TTLL5: variants seen among roughly 807,000 people sequenced by gnomAD.
TTLL5 encodes tubulin tyrosine ligase like 5, also known as tubulin polyglutamylase TTLL5.
In TTLL5, 132 loss-of-function variants were observed where a neutral mutation model predicts 168.4. That is an observed-to-expected ratio of 0.78 (90% CI 0.68 to 0.91). The LOEUF (loss-of-function observed/expected upper bound fraction) is 0.91, where lower values mean the gene tolerates loss of function less well. TTLL5 is among the 40% of genes least tolerant of loss of function. The pLI is 0.00. For missense variants in TTLL5, 1,545 were observed against 1,581.5 expected (o/e 0.98, Z 0.39); for synonymous variants, 546 against 558.6 (o/e 0.98, Z 0.32).
At chr14:75,704,406 G>A (rs1481268780) in intron 7 of TTLL5, among the ~76,000 whole-genome samples, 1 of 152,202 alleles carries the variant, frequency 6.6e-6, no homozygotes, top group African/African-American at 2.4e-5. Flanking sequence ...GGGTATGGTG[G>A]TACGTGTCTG....
At chr14:75,762,162 G>A (rs1245026036) in intron 18 of TTLL5, among the ~76,000 whole-genome samples, 1 of 152,060 alleles carries the variant, frequency 6.6e-6, no homozygotes, top group Admixed American at 6.6e-5. Context: ...TTGGGAGGCC[G>A]AGGCGGGTGG....
At chr14:75,735,399 A>G (rs1468274614) in intron 15 of TTLL5, 110 bp downstream of exon 15, 2 of 1,001,972 alleles carry the variant, frequency 2.0e-6, no homozygotes, top group African/African-American at 1.6e-5. Flanking sequence ...AGAGCAGGAG[A>G]ATTTGGGGAT....
At chr14:75,756,511 CT>C (rs34387037) in intron 18 of TTLL5, among the ~76,000 whole-genome samples, 109,586 of 144,530 alleles carry the variant, frequency 0.76, 41,395 homozygotes, top group Admixed American at 0.8. Flanking sequence ...AAACTGGGGA[CT>C]TTTTTTTTTT....
chr14:75,717,745 G>A (rs2140197414), intron 9 of TTLL5, 116 bp from the exon 10 acceptor site: 1 of 914,756 alleles, frequency 1.1e-6, no homozygotes, highest in Non-Finnish European at 1.7e-6. Flanking sequence ...TAGGCACTTG[G>A]TATTTGTTAG....
Position 75,816,929 on chromosome 14 carries a change from C to T in TTLL5, c.3172-3078C>T, listed in dbSNP as rs143730075. ...AAGGCATTTCAGAGAAACTAGTGGC[C>T]AGAGAAGTTACTACCATAATTTGCT... On this transcript the variant is annotated intron_variant, in intron 27 of 31. Transcript: ENST00000298832. Among the ~76,000 whole-genome samples, 3 of 150,526 alleles carry T rather than the reference C, an allele frequency of 2.0e-5. No individual in the cohort carries two copies. In the East Asian group the frequency reaches 5.8e-4, roughly 29 times the overall value.
At position 75,901,258 on chromosome 14, in the gene TTLL5, C is replaced by T. The variant is rs142322786; in HGVS notation, c.3741-884C>T. ...TCTCTGTCATTATGGAGCTTACATT[C>T]TAGCAAGGGTGATGGATACTAAGCA... is the stretch of plus-strand genomic sequence containing the variant. On this transcript the variant is annotated intron_variant, in intron 30 of 31. Coordinates refer to ENST00000298832, the MANE Select transcript of TTLL5 (RefSeq NM_015072.5). Among the ~76,000 whole-genome samples, 987 of 152,274 alleles carry T rather than the reference C, an allele frequency of 6.5e-3. 10 individuals carry two copies. Among genetic ancestry groups the T allele is most frequent in the African/African-American group, 0.023 (957 of 41,544 alleles).
chr14:75,833,501 CCTT>C (rs1270500228), intron 28 of TTLL5, among the ~76,000 whole-genome samples: 1 of 152,124 alleles, frequency 6.6e-6, no homozygotes, highest in Non-Finnish European at 1.5e-5. Flanking sequence ...AATTTGGATT[CCTT>C]CTTTTTTTAG....
Position 75,850,899 on chromosome 14 carries a change from AGC to A in TTLL5, c.3327-12767_3327-12766del, listed in dbSNP as rs1284378652. On this transcript the variant is annotated intron_variant, in intron 28 of 31. Transcript: ENST00000298832. ...GCGGTGAGTCCAGGAGTTCAAGACCAGCCTGGGCAACGTAGTGAGACCTCATC... is the reference window on the plus strand; with the variant it reads ...GCGGTGAGTCCAGGAGTTCAAGACCACTGGGCAACGTAGTGAGACCTCATC... Among the ~76,000 whole-genome samples, 6 of 152,064 alleles carry A rather than the reference AGC, an allele frequency of 3.9e-5. No individual in the cohort carries two copies. In the East Asian group the frequency reaches 9.6e-4, roughly 24 times the overall value.
intron 12 of TTLL5, among the ~76,000 whole-genome samples, chr14:75,724,245 A>G (rs1249321009): frequency 6.6e-6 from 1 of 151,846 alleles, no homozygotes; most frequent in East Asian, 1.9e-4. Context: ...CCATCCTACC[A>G]CCTGTAATGT....
chr14:75,761,014 A>G (rs1890606945), intron 18 of TTLL5, among the ~76,000 whole-genome samples: 1 of 152,180 alleles, frequency 6.6e-6, no homozygotes, highest in Non-Finnish European at 1.5e-5. Flanking sequence ...TCTAGGAACT[A>G]TCAAGAACTC....
intron 28 of TTLL5, among the ~76,000 whole-genome samples, chr14:75,832,718 CAA>C (rs1895642545): frequency 6.6e-6 from 1 of 152,178 alleles, no homozygotes; most frequent in Non-Finnish European, 1.5e-5. Context: ...TGCCGATGTA[CAA>C]AGACTAATCT....
intron 14 of TTLL5, among the ~76,000 whole-genome samples, chr14:75,734,877 G>A (rs1034201964): frequency 6.6e-6 from 1 of 152,204 alleles, no homozygotes; most frequent in African/African-American, 2.4e-5. Context: ...ATTAACAACT[G>A]TGTGTTTTAA....
At chr14:75,927,896 G>A (rs1411390118) in intron 31 of TTLL5, among the ~76,000 whole-genome samples, 1 of 152,126 alleles carries the variant, frequency 6.6e-6, no homozygotes, top group African/African-American at 2.4e-5. Context: ...GGCTAGCTGT[G>A]CCACCAATTG....
intron 20 of TTLL5, among the ~76,000 whole-genome samples, chr14:75,770,462 A>G (rs1891237759): frequency 6.6e-6 from 1 of 152,212 alleles, no homozygotes; most frequent in African/African-American, 2.4e-5. Context: ...CAGTCAGTAG[A>G]AAGCATTCAG....
intron 1 of TTLL5, among the ~76,000 whole-genome samples, chr14:75,661,808 C>T (rs1055515968): frequency 3.3e-5 from 5 of 152,030 alleles, no homozygotes; most frequent in African/African-American, 1.2e-4. Context: ...CTGAAGAAAG[C>T]CATTGAAGTT....
chr14:75,815,437 A>G (rs529093712), intron 27 of TTLL5, among the ~76,000 whole-genome samples: 3 of 152,234 alleles, frequency 2.0e-5, no homozygotes, highest in Non-Finnish European at 4.4e-5. Context: ...TGGTTTATCC[A>G]TCACATCAGG....
chr14:75,860,011 C>T (rs1897321474), intron 28 of TTLL5, among the ~76,000 whole-genome samples: 1 of 152,212 alleles, frequency 6.6e-6, no homozygotes, highest in Non-Finnish European at 1.5e-5. Flanking sequence ...AAAATGCCTG[C>T]CTCTTTGCTA....
intron 28 of TTLL5, among the ~76,000 whole-genome samples, chr14:75,824,802 A>T (rs1419128906): frequency 6.6e-6 from 1 of 151,768 alleles, no homozygotes; most frequent in Non-Finnish European, 1.5e-5. Context: ...AAAATTACTT[A>T]GTGGCCAAAT....
chr14:75,846,106 A>G (rs968974116), intron 28 of TTLL5, among the ~76,000 whole-genome samples: 1 of 152,236 alleles, frequency 6.6e-6, no homozygotes, highest in Non-Finnish European at 1.5e-5. Flanking sequence ...GTGGGCAGAA[A>G]ACATCAGTAG....
Sources: allele counts gnomAD v4.1 joint callset (sites outside exome capture counted in the v4.1 genomes callset), GRCh38; gene constraint gnomAD v4.1.1; transcripts MANE v1.5; gene names NCBI Gene and HGNC (gene_info 2026-07-23, HGNC 2026-07-21).